KCNIP4: variants seen among roughly 807,000 people sequenced by gnomAD.
KCNIP4 encodes the protein potassium voltage-gated channel interacting protein 4.
A neutral mutation model predicts 34.0 loss-of-function variants in KCNIP4; 12 were observed. The observed-to-expected ratio is 0.35, with a 90% CI of 0.23 to 0.57. The LOEUF (loss-of-function observed/expected upper bound fraction) is 0.57, where lower values mean the gene tolerates loss of function less well. Among genes scored for constraint, KCNIP4 ranks in the 20% least tolerant of loss-of-function variants. The probability of loss-of-function intolerance (pLI) is 0.83; values close to 1 mark genes in which losing one functional copy is unlikely to be tolerated. For missense variants in KCNIP4, 238 were observed against 311.7 expected, an observed-to-expected ratio of 0.76 and a Z score of 1.78; for synonymous variants, 124 against 102.2, an observed-to-expected ratio of 1.21 and a Z score of -1.29.
chr4:21,840,153 A>G (rs1220111829), intron 1 of KCNIP4, among the ~76,000 whole-genome samples: 1 of 151,576 alleles, frequency 6.6e-6, no homozygotes, highest in African/African-American at 2.4e-5. Flanking sequence ...GGGATAATGG[A>G]GAGGGGTTAG....
chr4:21,365,779 A>C (rs1445119362), intron 1 of KCNIP4, among the ~76,000 whole-genome samples: 14 of 152,178 alleles, frequency 9.2e-5, no homozygotes, highest in Admixed American at 9.2e-4. Context: ...TTGAAGCCTG[A>C]GATCAGGATG....
At chr4:20,780,680 A>G (rs1343520881) in intron 3 of KCNIP4, among the ~76,000 whole-genome samples, 1 of 152,132 alleles carries the variant, frequency 6.6e-6, no homozygotes, top group African/African-American at 2.4e-5. Context: ...CCAGGCCAAA[A>G]TGATTGGTTC....
At chr4:21,719,921 C>T (rs1479432641) in intron 1 of KCNIP4, among the ~76,000 whole-genome samples, 2 of 141,636 alleles carry the variant, frequency 1.4e-5, no homozygotes, top group Non-Finnish European at 1.5e-5. Context: ...TGAGATTGTG[C>T]CATTGTGCTC....
At chr4:21,743,211 T>C (rs1036801197) in intron 1 of KCNIP4, among the ~76,000 whole-genome samples, 4 of 152,148 alleles carry the variant, frequency 2.6e-5, no homozygotes, top group African/African-American at 9.7e-5. Flanking sequence ...ATCGGTCTAA[T>C]TGGGATAAAA....
intron 1 of KCNIP4, among the ~76,000 whole-genome samples, chr4:20,967,476 A>G (rs1483391089): frequency 6.6e-6 from 1 of 152,206 alleles, no homozygotes; most frequent in Non-Finnish European, 1.5e-5. Context: ...AGCCAAGACG[A>G]TCCTAAGCAA....
rs200043589 is a variant in KCNIP4, at chr4:21,782,017, GC to G, written c.61+166553del. Among the ~76,000 whole-genome samples the G allele has an allele frequency of 1.6e-4, 23 of 146,814 alleles. No homozygotes were observed. The East Asian group carries it at 4.3e-3, about 28-fold the overall frequency. ...AAATGTTCAAGTAACCCAAAGAAAGGCAGAGAAAAAATAAAGAAATGAAAAG... is the reference window on the plus strand; with the variant it reads ...AAATGTTCAAGTAACCCAAAGAAAGGAGAGAAAAAATAAAGAAATGAAAAG... On this transcript the variant is annotated intron_variant, in intron 1 of 8. Coordinates refer to ENST00000382152, the MANE Select transcript of KCNIP4 (RefSeq NM_025221.6).
At chr4:21,854,922 T>G (rs550545198) in intron 1 of KCNIP4, among the ~76,000 whole-genome samples, 30 of 152,362 alleles carry the variant, frequency 2.0e-4, no homozygotes, top group African/African-American at 7.0e-4. Flanking sequence ...TTAATCAATA[T>G]TGGATCATTA....
At chr4:21,817,754 GA>G (rs1376650802) in intron 1 of KCNIP4, among the ~76,000 whole-genome samples, 1 of 152,108 alleles carries the variant, frequency 6.6e-6, no homozygotes, top group Non-Finnish European at 1.5e-5. Context: ...CTAGGGTGGG[GA>G]AAAACTCTGC....
At chr4:21,449,925 C>T (rs957742664) in intron 1 of KCNIP4, among the ~76,000 whole-genome samples, 1 of 152,112 alleles carries the variant, frequency 6.6e-6, no homozygotes, top group African/African-American at 2.4e-5. Context: ...ATAAATCCAT[C>T]TACCCTCTTA....
chr4:21,015,129 G>A (rs1285787634), intron 1 of KCNIP4, among the ~76,000 whole-genome samples: 2 of 152,034 alleles, frequency 1.3e-5, no homozygotes, highest in Admixed American at 1.3e-4. Flanking sequence ...ACTCTGCGGA[G>A]AGAAGAATAG....
intron 1 of KCNIP4, among the ~76,000 whole-genome samples, chr4:20,934,708 T>TA (rs1413726442): frequency 4.6e-5 from 7 of 152,138 alleles, no homozygotes; most frequent in Non-Finnish European, 7.4e-5. Flanking sequence ...AAAAAATAAG[T>TA]AAAAAATATA....
intron 1 of KCNIP4, among the ~76,000 whole-genome samples, chr4:21,434,294 C>A (rs1467071084): frequency 6.6e-6 from 1 of 152,096 alleles, no homozygotes; most frequent in East Asian, 1.9e-4. Flanking sequence ...ACAGTATAAA[C>A]CATGTTATTT....
intron 1 of KCNIP4, among the ~76,000 whole-genome samples, chr4:21,102,481 C>A (rs140840638): frequency 6.6e-6 from 1 of 152,052 alleles, no homozygotes; most frequent in African/African-American, 2.4e-5. Flanking sequence ...AAGCAGAGCT[C>A]GTCCCATTGA....
intron 1 of KCNIP4, among the ~76,000 whole-genome samples, chr4:21,875,828 C>T (rs573310176): frequency 3.4e-4 from 52 of 152,026 alleles, no homozygotes; most frequent in African/African-American, 1.2e-3. Context: ...CTAATTGGCA[C>T]GAGAAATGCT....
intron 1 of KCNIP4, among the ~76,000 whole-genome samples, chr4:21,934,779 A>G (rs1729757327): frequency 1.3e-5 from 2 of 152,096 alleles, no homozygotes; most frequent in African/African-American, 2.4e-5. Context: ...GCCTTGGTTA[A>G]TAAATACACC....
intron 1 of KCNIP4, chr4:21,846,151 T>C (rs914135472): frequency 2.0e-5 from 3 of 152,134 alleles, no homozygotes; most frequent in East Asian, 1.9e-4. Context: ...TAAGCTCTAA[T>C]AGAAATTTCT....
chr4:21,071,400 T>G (rs527898708), intron 1 of KCNIP4, among the ~76,000 whole-genome samples: 1 of 152,170 alleles, frequency 6.6e-6, no homozygotes, highest in African/African-American at 2.4e-5. Context: ...CCAAAGGTGG[T>G]TGGGCAAATT....
At chr4:21,652,225 G>A (rs2108972399) in intron 1 of KCNIP4, among the ~76,000 whole-genome samples, 1 of 152,268 alleles carries the variant, frequency 6.6e-6, no homozygotes, top group Admixed American at 6.5e-5. Context: ...AATCATCCTT[G>A]TAGTATAAGT....
At chr4:21,365,408 C>G (rs1025420851) in intron 1 of KCNIP4, among the ~76,000 whole-genome samples, 2 of 151,090 alleles carry the variant, frequency 1.3e-5, no homozygotes, top group Non-Finnish European at 2.9e-5. Flanking sequence ...TCCCTTGAAC[C>G]TGAAGGGTGC....
Sources: allele counts gnomAD v4.1 joint callset (sites outside exome capture counted in the v4.1 genomes callset), GRCh38; gene constraint gnomAD v4.1.1; transcripts MANE v1.5; gene names NCBI Gene and HGNC (gene_info 2026-07-23, HGNC 2026-07-21).